Variants in UBE2E2 observed in about 807,000 individuals in gnomAD.
The protein encoded by UBE2E2 is ubiquitin conjugating enzyme E2 E2.
In UBE2E2, 6 loss-of-function variants were observed where a neutral mutation model predicts 24.7. That is an observed-to-expected ratio of 0.24 (90% CI 0.13 to 0.48). UBE2E2 has a LOEUF of 0.48. Among genes scored for constraint, UBE2E2 ranks in the 20% least tolerant of loss-of-function variants. UBE2E2 has a pLI of 0.99. For missense variants in UBE2E2, 169 were observed against 245.0 expected, an observed-to-expected ratio of 0.69 and a Z score of 2.07; for synonymous variants, 104 against 83.6, an observed-to-expected ratio of 1.24 and a Z score of -1.33.
At chr3:23,353,070 C>G (rs1316721563) in intron 3 of UBE2E2, among the ~76,000 whole-genome samples, 1 of 152,170 alleles carries the variant, frequency 6.6e-6, no homozygotes, top group Non-Finnish European at 1.5e-5. Flanking sequence ...GGATGCAAGG[C>G]TGGTTCAAGA....
intron 3 of UBE2E2, among the ~76,000 whole-genome samples, chr3:23,248,402 G>C (rs1035341212): frequency 2.6e-5 from 4 of 152,202 alleles, no homozygotes; most frequent in African/African-American, 9.6e-5. Context: ...AAAGTTAGGC[G>C]ATCAGGTGGA....
intron 3 of UBE2E2, among the ~76,000 whole-genome samples, chr3:23,248,308 C>T (rs1697473375): frequency 1.3e-5 from 2 of 152,206 alleles, no homozygotes; most frequent in African/African-American, 4.8e-5. Context: ...GTGTTCCACA[C>T]CTTCTCATAT....
chr3:23,364,185 T>C (rs1696198817), intron 3 of UBE2E2, among the ~76,000 whole-genome samples: 2 of 151,498 alleles, frequency 1.3e-5, no homozygotes, highest in Admixed American at 1.3e-4. Flanking sequence ...GTTAAAAGGA[T>C]CTCAAGTTAA....
At chr3:23,245,736 A>G (rs1697376883) in intron 3 of UBE2E2, among the ~76,000 whole-genome samples, 1 of 152,184 alleles carries the variant, frequency 6.6e-6, no homozygotes, top group African/African-American at 2.4e-5. Flanking sequence ...GGGCACCATC[A>G]TATCTGTTAT....
intron 3 of UBE2E2, among the ~76,000 whole-genome samples, chr3:23,312,085 C>T (rs1437980069): frequency 6.6e-6 from 1 of 151,762 alleles, no homozygotes; most frequent in African/African-American, 2.4e-5. Context: ...GTATGTAGCA[C>T]CTCCCTCCTC....
At chr3:23,465,147 A>G (rs774725607) in intron 3 of UBE2E2, among the ~76,000 whole-genome samples, 1 of 152,160 alleles carries the variant, frequency 6.6e-6, no homozygotes, top group Non-Finnish European at 1.5e-5. Context: ...TCTACATGTC[A>G]TATCATTTAA....
At chr3:23,357,255 A>T (rs1290140647) in intron 3 of UBE2E2, among the ~76,000 whole-genome samples, 1 of 152,142 alleles carries the variant, frequency 6.6e-6, no homozygotes, top group Non-Finnish European at 1.5e-5. Context: ...GTGATTATTG[A>T]TTTCTGAGAA....
At chr3:23,256,047 T>C (rs62255300) in intron 3 of UBE2E2, among the ~76,000 whole-genome samples, 2 of 152,224 alleles carry the variant, frequency 1.3e-5, no homozygotes, top group Non-Finnish European at 2.9e-5. Context: ...CTTTTGAGTT[T>C]AGTTCTGGAG....
intron 5 of UBE2E2, among the ~76,000 whole-genome samples, chr3:23,576,419 T>G (rs527869508): frequency 6.6e-6 from 1 of 152,134 alleles, no homozygotes; most frequent in South Asian, 2.1e-4. Context: ...ATAATTATGT[T>G]TAAAAAAACA....
chr3:23,355,688 A>T (rs1272543075), intron 3 of UBE2E2, among the ~76,000 whole-genome samples: 2 of 152,212 alleles, frequency 1.3e-5, no homozygotes, highest in East Asian at 3.9e-4. Context: ...AAAAGTTTAA[A>T]TTATAAATTA....
chr3:23,525,787 T>C (rs1215145800), intron 4 of UBE2E2, among the ~76,000 whole-genome samples: 1 of 152,216 alleles, frequency 6.6e-6, no homozygotes. Flanking sequence ...AGCCCCCTGA[T>C]CAAAATAATG....
intron 3 of UBE2E2, among the ~76,000 whole-genome samples, chr3:23,358,302 A>T (rs1044439062): frequency 6.6e-6 from 1 of 152,256 alleles, no homozygotes; most frequent in African/African-American, 2.4e-5. Flanking sequence ...AAACACAAAC[A>T]TACTGAACTT....
chr3:23,230,929 G>A lies in UBE2E2; in HGVS notation c.227+13617G>A, dbSNP rs75434749. The stretch of plus-strand genomic sequence containing the variant: ...TGTGATTTTGGGGAGTAGAACTAGC[G>A]CTGCTCTGTTAAAGTTAGAGGGAAA... On this transcript the variant is annotated intron_variant, in intron 3 of 5. Transcript: ENST00000396703. Among the ~76,000 whole-genome samples, 1,279 of 152,160 alleles carry A rather than the reference G, an allele frequency of 8.4e-3. 8 individuals are homozygous for A. Among genetic ancestry groups the A allele is most frequent in the Middle Eastern group, 0.017 (5 of 294 alleles).
chr3:23,223,752 A>G (rs1696732852), intron 3 of UBE2E2, among the ~76,000 whole-genome samples: 1 of 152,146 alleles, frequency 6.6e-6, no homozygotes, highest in Non-Finnish European at 1.5e-5. Flanking sequence ...ATCTTTGCCC[A>G]GACCATTGTG....
chr3:23,501,494 C>G (rs914487960), intron 4 of UBE2E2, among the ~76,000 whole-genome samples: 2 of 152,148 alleles, frequency 1.3e-5, no homozygotes, highest in Admixed American at 6.5e-5. Context: ...CAAGAGTGTA[C>G]AACCAGGAAT....
At position 23,399,679 on chromosome 3, in the gene UBE2E2, A is replaced by T. The variant is rs60495201; in HGVS notation, c.228-99929A>T. Among the ~76,000 whole-genome samples, 87 of 152,350 alleles carry T rather than the reference A, an allele frequency of 5.7e-4. 3 individuals are homozygous for T. In the East Asian group the frequency reaches 0.015, roughly 27 times the overall value. On this transcript the variant is annotated intron_variant, in intron 3 of 5. Coordinates refer to ENST00000396703, the MANE Select transcript of UBE2E2 (RefSeq NM_152653.4). ...AAGGGAAATTGTGGATAAGGGAAGG[A>T]CTACTATAAAATGAAATTTAAACAT...
At chr3:23,294,435 C>G (rs1210399673) in intron 3 of UBE2E2, among the ~76,000 whole-genome samples, 1 of 151,850 alleles carries the variant, frequency 6.6e-6, no homozygotes, top group East Asian at 1.9e-4. Flanking sequence ...TGATGTTTTA[C>G]CTTCCTTGAT....
chr3:23,434,552 T>G (rs1698140833), intron 3 of UBE2E2, among the ~76,000 whole-genome samples: 1 of 152,164 alleles, frequency 6.6e-6, no homozygotes. Flanking sequence ...CTCCATTATT[T>G]AAATAGTTAT....
intron 3 of UBE2E2, among the ~76,000 whole-genome samples, chr3:23,229,022 C>G (rs1319672251): frequency 1.3e-5 from 2 of 152,188 alleles, no homozygotes; most frequent in South Asian, 2.1e-4. Context: ...TCCCAACATT[C>G]CGCTACCATC....
Sources: allele counts gnomAD v4.1 joint callset (sites outside exome capture counted in the v4.1 genomes callset), GRCh38; gene constraint gnomAD v4.1.1; transcripts MANE v1.5; gene names NCBI Gene and HGNC (gene_info 2026-07-23, HGNC 2026-07-21).